Variants in AKT3 observed in about 807,000 individuals in gnomAD.
AKT3 encodes RAC-gamma serine/threonine-protein kinase.
Under a neutral mutation model 65.3 loss-of-function variants are expected in AKT3, and 15 were observed. The ratio of observed to expected loss-of-function variants is 0.23; its 90% CI spans 0.15 to 0.35. The LOEUF is 0.35. Ranked by LOEUF, AKT3 falls within the 10% of genes least tolerant of loss-of-function variation. The pLI is 1.00. For synonymous variants in AKT3, 206 were observed against 183.8 expected (o/e 1.12, Z -0.98); for missense variants, 243 against 576.5 (o/e 0.42, Z 5.92).
intron 8 of AKT3, among the ~76,000 whole-genome samples, chr1:243,606,665 T>C (rs748477998): frequency 7.9e-5 from 12 of 152,238 alleles, no homozygotes; most frequent in Non-Finnish European, 1.6e-4. Context: ...ACTGCAAAAG[T>C]TGGCATAAGT....
rs1396420857 is a variant in AKT3, at chr1:243,499,829, T to C, written c.*5420A>G. On this transcript the variant is annotated 3_prime_UTR_variant, in exon 14 of 14. Coordinates refer to ENST00000673466, the MANE Select transcript of AKT3 (RefSeq NM_005465.7). ...AAATAAATGATTTACAAAGAGATAT[T>C]TACATTCATCTGGTTTAGACTTAAT... 7 of 1,590,254 alleles carry C rather than the reference T, an allele frequency of 4.4e-6. No homozygotes were observed. The highest frequency in any genetic ancestry group is 6.0e-6 in the Non-Finnish European group (7 of 1,159,842).
intron 4 of AKT3, among the ~76,000 whole-genome samples, chr1:243,650,198 G>A (rs1433612251): frequency 6.6e-6 from 1 of 152,112 alleles, no homozygotes; most frequent in Non-Finnish European, 1.5e-5. Flanking sequence ...TTTGTTGGCT[G>A]CATAAATGTC....
At position 243,637,626 on chromosome 1, in the gene AKT3, T is replaced by C. The variant is rs1318458493; in HGVS notation, c.546A>G (p.Glu182=). 1.3e-6 allele frequency: 2 copies of C among 1,594,250 alleles called. No homozygotes were observed. The highest frequency in any genetic ancestry group is 1.7e-6 in the Non-Finnish European group (2 of 1,172,582). ...AATCAGTTACCTTTGCAATAATGACTTCTTTCTTCAGAATCTTCATAGCAT... is the reference window on the plus strand; with the variant it reads ...AATCAGTTACCTTTGCAATAATGACCTCTTTCTTCAGAATCTTCATAGCAT... ...KYYAMKILKK[E]VIIAKDEVAH... Residue 182 remains glutamate (E), a synonymous_variant, in exon 6 of 14, where the codon GAA becomes GAG. Coordinates refer to ENST00000673466, the MANE Select transcript of AKT3 (RefSeq NM_005465.7).
intron 4 of AKT3, among the ~76,000 whole-genome samples, chr1:243,653,566 G>A (rs951619131): frequency 3.3e-5 from 5 of 152,114 alleles, no homozygotes; most frequent in African/African-American, 7.2e-5. Flanking sequence ...TGAAAATAAC[G>A]TCTCTTCTGC....
chr1:243,755,936 A>G (rs1396004744), intron 2 of AKT3, among the ~76,000 whole-genome samples: 1 of 152,222 alleles, frequency 6.6e-6, no homozygotes, highest in African/African-American at 2.4e-5. Context: ...GGAAGCTAGG[A>G]GAAAAGGGTC....
At chr1:243,554,696 A>G (rs1673294923) in intron 10 of AKT3, among the ~76,000 whole-genome samples, 1 of 152,180 alleles carries the variant, frequency 6.6e-6, no homozygotes, top group Non-Finnish European at 1.5e-5. Context: ...CCAAAAATTT[A>G]TATCTAAGTA....
intron 5 of AKT3, among the ~76,000 whole-genome samples, chr1:243,641,983 G>T (rs1680427266): frequency 6.6e-6 from 1 of 151,746 alleles, no homozygotes; most frequent in Non-Finnish European, 1.5e-5. Flanking sequence ...CAATTCTTAG[G>T]AACAATGAGG....
At chr1:243,647,824 A>T (rs1680955508) in intron 4 of AKT3, among the ~76,000 whole-genome samples, 1 of 152,226 alleles carries the variant, frequency 6.6e-6, no homozygotes, top group Non-Finnish European at 1.5e-5. Context: ...GCTTTGTTTC[A>T]CAAGTTAGGA....
chr1:243,759,673 C>G (rs975392914), intron 2 of AKT3, among the ~76,000 whole-genome samples: 6 of 151,912 alleles, frequency 3.9e-5, no homozygotes, highest in African/African-American at 1.2e-4. Context: ...AAGAAATGTA[C>G]TTAAATGAGA....
At chr1:243,824,066 G>A (rs1694012699) in intron 2 of AKT3, among the ~76,000 whole-genome samples, 1 of 152,060 alleles carries the variant, frequency 6.6e-6, no homozygotes, top group Admixed American at 6.5e-5. Flanking sequence ...CAGACACATA[G>A]ACCAACGGAA....
chr1:243,851,040 G>C (rs1467134903), upstream of AKT3: 1 of 152,324 alleles, frequency 6.6e-6, no homozygotes, highest in Admixed American at 6.5e-5. Context: ...CCGGCGCGAG[G>C]GCTCGCACCT....
intron 2 of AKT3, among the ~76,000 whole-genome samples, chr1:243,749,931 T>C (rs1468620322): frequency 1.3e-5 from 2 of 152,212 alleles, no homozygotes; most frequent in Non-Finnish European, 2.9e-5. Flanking sequence ...AATCCTGAAA[T>C]AATGCTGTAA....
Position 243,695,689 on chromosome 1 carries a change from C to A in AKT3, c.74G>T (p.Arg25Ile). 6.2e-7 allele frequency: 1 copy of A among 1,603,698 alleles called. No individual in the cohort carries two copies. The highest frequency in any genetic ancestry group is 1.3e-5 in the African/African-American group (1 of 74,596). Residue 25 changes from arginine to isoleucine, a missense_variant, in exon 3 of 14, where the codon AGA becomes ATA. Coordinates refer to ENST00000673466, the MANE Select transcript of AKT3 (RefSeq NM_005465.7). ...GCCATCTGTCTTCAAAAGGAAGTAT[C>A]TTGGCCTCCAGTTTTTTATATATTC... is the stretch of plus-strand genomic sequence containing the variant. ...RGEYIKNWRP[R>I]YFLLKTDGSF...
At chr1:243,530,179 A>C (rs1296024177) in intron 12 of AKT3, among the ~76,000 whole-genome samples, 1 of 152,094 alleles carries the variant, frequency 6.6e-6, no homozygotes, top group Non-Finnish European at 1.5e-5. Flanking sequence ...TTAATTTGTC[A>C]ATTTTTGTTA....
chr1:243,830,160 C>T (rs1383408600), intron 2 of AKT3, among the ~76,000 whole-genome samples: 1 of 152,122 alleles, frequency 6.6e-6, no homozygotes, highest in Admixed American at 6.6e-5. Context: ...TGTCATTATT[C>T]CCTAAACAGG....
rs192835440 is a variant in AKT3, at chr1:243,800,721, A to G, written c.46+42404T>C. Among the ~76,000 whole-genome samples the G allele has an allele frequency of 3.8e-3, 559 of 145,586 alleles. 2 individuals are homozygous for G. Among genetic ancestry groups the G allele is most frequent in the Admixed American group, 6.3e-3 (93 of 14,648 alleles). On this transcript the variant is annotated intron_variant, in intron 2 of 13. Coordinates refer to ENST00000673466, the MANE Select transcript of AKT3 (RefSeq NM_005465.7). ...GACAGAGTGAGACTCAGTCTCGAGGAAAAAAAAAAAAGAGAGATTATGTAT... is the reference window on the plus strand; with the variant it reads ...GACAGAGTGAGACTCAGTCTCGAGGGAAAAAAAAAAAGAGAGATTATGTAT...
intron 4 of AKT3, among the ~76,000 whole-genome samples, chr1:243,646,735 T>C (rs1408080376): frequency 6.6e-6 from 1 of 152,120 alleles, no homozygotes; most frequent in Non-Finnish European, 1.5e-5. Context: ...AAGTCCATCA[T>C]TGACATCCTG....
At chr1:243,789,078 C>T (rs1256372532) in intron 2 of AKT3, among the ~76,000 whole-genome samples, 1 of 152,208 alleles carries the variant, frequency 6.6e-6, no homozygotes, top group East Asian at 1.9e-4. Context: ...CTTTGCTCAT[C>T]CATAAGAAGC....
chr1:243,578,359 AG>A (rs1675095766), intron 8 of AKT3, among the ~76,000 whole-genome samples: 1 of 152,234 alleles, frequency 6.6e-6, no homozygotes, highest in Admixed American at 6.5e-5. Flanking sequence ...GGCCATAAAA[AG>A]GAATGAGCTC....
Sources: allele counts gnomAD v4.1 joint callset (sites outside exome capture counted in the v4.1 genomes callset), GRCh38; gene constraint gnomAD v4.1.1; transcripts MANE v1.5; gene names NCBI Gene and HGNC (gene_info 2026-07-23, HGNC 2026-07-21).